ZEB2: variants seen among roughly 807,000 people sequenced by gnomAD.
ZEB2 encodes zinc finger E-box binding homeobox 2.
ZEB2 carries 6 observed loss-of-function variants against 99.9 expected under a neutral mutation model. The ratio of observed to expected loss-of-function variants is 0.06; its 90% confidence interval spans 0.03 to 0.12. The LOEUF (loss-of-function observed/expected upper bound fraction) is 0.12. Among genes scored for constraint, ZEB2 ranks in the 10% least tolerant of loss-of-function variants. The pLI, the probability that ZEB2 is intolerant of heterozygous loss-of-function variation, is 1.00. For synonymous variants in ZEB2, 517 were observed against 542.5 expected (o/e 0.95, Z 0.65); for missense variants, 969 against 1,502.8 (o/e 0.64, Z 5.87).
chr2:144,431,363 C>T (rs1416507201), intron 2 of ZEB2, among the ~76,000 whole-genome samples: 33 of 151,844 alleles, frequency 2.2e-4, no homozygotes, highest in Admixed American at 2.2e-3. Context: ...TGACAGGTTC[C>T]CAGGGAGTAA....
At chr2:144,423,134 T>G (rs1395237473) in intron 4 of ZEB2, among the ~76,000 whole-genome samples, 1 of 152,202 alleles carries the variant, frequency 6.6e-6, no homozygotes, top group East Asian at 1.9e-4. Flanking sequence ...TCAAGATTGA[T>G]TTTTAAACCT....
intron 4 of ZEB2, among the ~76,000 whole-genome samples, chr2:144,417,355 T>G (rs189846618): frequency 9.2e-5 from 14 of 152,342 alleles, no homozygotes; most frequent in African/African-American, 3.4e-4. Context: ...TGAATGTATG[T>G]ATTTTAGTGG....
chr2:144,511,864 A>T (rs1329732690), intron 2 of ZEB2: 11 of 1,287,170 alleles, frequency 8.5e-6, no homozygotes, highest in Admixed American at 2.3e-5. Flanking sequence ...GCTCTGAATT[A>T]TTTTTTTCAA....
At chr2:144,449,223 G>T (rs1020980034) in intron 2 of ZEB2, among the ~76,000 whole-genome samples, 1 of 152,220 alleles carries the variant, frequency 6.6e-6, no homozygotes, top group African/African-American at 2.4e-5. Flanking sequence ...ACCTCAGAAG[G>T]GAGCAGGCGG....
intron 2 of ZEB2, among the ~76,000 whole-genome samples, chr2:144,510,502 C>T (rs1033481572): frequency 1.3e-5 from 2 of 152,204 alleles, no homozygotes; most frequent in African/African-American, 4.8e-5. Context: ...CCCCTCCTGA[C>T]ACTTTTTACC....
intron 2 of ZEB2, among the ~76,000 whole-genome samples, chr2:144,467,764 A>G (rs1188920040): frequency 1.3e-5 from 2 of 152,132 alleles, no homozygotes; most frequent in African/African-American, 4.8e-5. Context: ...TTAGTTGTCA[A>G]TTTCCCACTT....
At chr2:144,410,839 T>C (rs775309686) in intron 4 of ZEB2, among the ~76,000 whole-genome samples, 12 of 151,496 alleles carry the variant, frequency 7.9e-5, no homozygotes, top group Non-Finnish European at 1.6e-4. Context: ...AAAGAAAATA[T>C]CTTGGAAGGT....
intron 4 of ZEB2, among the ~76,000 whole-genome samples, chr2:144,416,118 T>C (rs1382852335): frequency 6.6e-6 from 1 of 152,202 alleles, no homozygotes; most frequent in East Asian, 1.9e-4. Context: ...GATTTCTACT[T>C]TCTCCCCTTG....
chr2:144,486,235 A>G (rs938067447), intron 2 of ZEB2, among the ~76,000 whole-genome samples: 2 of 152,166 alleles, frequency 1.3e-5, no homozygotes, highest in Admixed American at 6.5e-5. Flanking sequence ...CCTTCATTGT[A>G]TTTATATCTC....
At chr2:144,489,204 T>C (rs1387311267) in intron 2 of ZEB2, among the ~76,000 whole-genome samples, 2 of 152,184 alleles carry the variant, frequency 1.3e-5, no homozygotes, top group African/African-American at 4.8e-5. Flanking sequence ...GGTATGTTAT[T>C]ACAATGAAAG....
intron 4 of ZEB2, among the ~76,000 whole-genome samples, chr2:144,409,880 C>T (rs1703435186): frequency 1.3e-5 from 2 of 151,444 alleles, no homozygotes; most frequent in African/African-American, 2.4e-5. Context: ...CAAAGTGAGA[C>T]CCCTGTCTCA....
intron 3 of ZEB2, chr2:144,428,092 T>C (rs1703713033): frequency 6.6e-6 from 1 of 152,196 alleles, no homozygotes; most frequent in Non-Finnish European, 1.5e-5. Context: ...ATTTGTTACA[T>C]TGTTATTAAT....
intron 2 of ZEB2, among the ~76,000 whole-genome samples, chr2:144,446,349 C>A (rs1361232685): frequency 6.6e-6 from 1 of 152,014 alleles, no homozygotes; most frequent in Non-Finnish European, 1.5e-5. Flanking sequence ...TTTCTCCCTC[C>A]CTTCCTTGCT....
chr2:144,509,934 A>C (rs1205652543), intron 2 of ZEB2, among the ~76,000 whole-genome samples: 9 of 152,150 alleles, frequency 5.9e-5, no homozygotes, highest in Admixed American at 5.9e-4. Flanking sequence ...ACTTTCTCTC[A>C]CAAGAGAACG....
intron 2 of ZEB2, among the ~76,000 whole-genome samples, chr2:144,434,996 T>G (rs1703818268): frequency 6.6e-6 from 1 of 152,216 alleles, no homozygotes; most frequent in Non-Finnish European, 1.5e-5. Context: ...AATGGCACTG[T>G]GTGATGTATA....
intron 2 of ZEB2, among the ~76,000 whole-genome samples, chr2:144,453,170 G>A (rs1034620918): frequency 2.0e-5 from 3 of 152,124 alleles, no homozygotes; most frequent in Admixed American, 6.5e-5. Flanking sequence ...TATTTAATAC[G>A]CATACAACAC....
chr2:144,389,683 T>C lies in ZEB2; in HGVS notation c.3413A>G (p.Lys1138Arg). The change falls in exon 10 of 10, where the codon AAG becomes AGG. Residue 1138 changes from lysine (K) to arginine (R), a missense_variant. This residue lies in a region of ZEB2 where 121 missense variants were observed against 166.4 expected (regional missense o/e 0.73). Coordinates refer to ENST00000627532, the MANE Select transcript of ZEB2 (RefSeq NM_014795.4). The surrounding 1 kb of genome is among the most constrained non-coding windows in gnomAD (Gnocchi z 6.8). ...ESMPRDGESE[K>R]EHEKEGEDGY... ...ATCCTCGCCTTCTTTCTCGTGCTCC[T>C]TCTCGCTCTCGCCATCCCTCGGCAT... is the stretch of plus-strand genomic sequence containing the variant. 1 of 1,614,146 alleles carries C rather than the reference T, an allele frequency of 6.2e-7. No individual in the cohort carries two copies. Among genetic ancestry groups the C allele is most frequent in the Non-Finnish European group, 8.5e-7 (1 of 1,180,018 alleles).
Position 144,398,609 on chromosome 2 carries a change from G to A in ZEB2, c.2578C>T (p.Leu860=). 1 of 1,614,164 alleles carries A rather than the reference G, an allele frequency of 6.2e-7. No individual in the cohort carries two copies. The highest frequency in any genetic ancestry group is 8.5e-7 in the Non-Finnish European group (1 of 1,180,020). ...TCCTTCTTGATAAAAGTCAAGTTCA[G>A]AGGCTCATCTGAGTTTTCAGATGAG... ...SSSSENSDEP[L]NLTFIKKEFS... The change falls in exon 8 of 10, where the codon CTG becomes TTG. Residue 860 remains leucine (L), a synonymous_variant. Transcript: ENST00000627532.
intron 9 of ZEB2, chr2:144,390,699 A>G (rs909435963): frequency 6.4e-6 from 1 of 155,164 alleles, no homozygotes. Flanking sequence ...TTTTCCCTCT[A>G]AAGTTTTCCA....
Sources: allele counts gnomAD v4.1 joint callset (sites outside exome capture counted in the v4.1 genomes callset), GRCh38; gene constraint gnomAD v4.1.1; regional missense constraint gnomAD v4.1.1; non-coding constraint Gnocchi (gnomAD v3.1); transcripts MANE v1.5; gene names NCBI Gene and HGNC (gene_info 2026-07-23, HGNC 2026-07-21).